Variants in SORBS3 observed in about 807,000 individuals in gnomAD.
SORBS3 encodes vinexin.
In SORBS3, 69 loss-of-function variants were observed where a neutral mutation model predicts 98.0. The observed-to-expected ratio is 0.70, with a 90% CI of 0.58 to 0.86. The LOEUF is 0.86. Among genes scored for constraint, SORBS3 ranks in the 40% least tolerant of loss-of-function variants. The pLI, the probability that SORBS3 is intolerant of heterozygous loss-of-function variation, is 0.00. For synonymous variants in SORBS3, 394 were observed against 355.4 expected, an observed-to-expected ratio of 1.11 and a Z score of -1.22; for missense variants, 954 against 908.5, an observed-to-expected ratio of 1.05 and a Z score of -0.64.
chr8:22,553,202 T>C (rs577456123), intron 1 of SORBS3, among the ~76,000 whole-genome samples: 1 of 152,088 alleles, frequency 6.6e-6, no homozygotes, highest in Non-Finnish European at 1.5e-5. Flanking sequence ...ACAACCCCCA[T>C]GCAGCTCATG....
At chr8:22,552,571 G>GTTA (rs1840102926) in intron 1 of SORBS3, among the ~76,000 whole-genome samples, 1 of 152,146 alleles carries the variant, frequency 6.6e-6, no homozygotes, top group Non-Finnish European at 1.5e-5. Context: ...GGGGCACCAA[G>GTTA]GGTAAGCAAC....
intron 17 of SORBS3, among the ~76,000 whole-genome samples, chr8:22,570,190 A>C (rs1316360289): frequency 1.3e-5 from 2 of 152,222 alleles, no homozygotes; most frequent in Admixed American, 1.3e-4. Context: ...AATGCCTCCC[A>C]GAAGAGCTGG....
Position 22,554,291 on chromosome 8 carries a change from G to T in SORBS3, c.-55-161G>T. 1.6e-6 allele frequency: 1 copy of T among 636,674 alleles called. No individual in the cohort carries two copies. Among genetic ancestry groups the T allele is most frequent in the Non-Finnish European group, 2.5e-6 (1 of 405,222 alleles). The allele number at this position is 636,674 out of a possible 1,614,324, so 39.4% of individuals were successfully genotyped here. A position where few individuals can be genotyped will look rare whatever the true frequency, so the allele number is the denominator to read the frequency against. The stretch of plus-strand genomic sequence containing the variant: ...GGCAGGCACGGGCAGCCTGCAGGCG[G>T]GTGCCTGGCGTGGCCTGTTTCCTGG... On this transcript the variant is annotated intron_variant, in intron 1 of 20. Coordinates refer to ENST00000240123, the MANE Select transcript of SORBS3 (RefSeq NM_005775.5). The surrounding 1 kb of genome is among the most constrained non-coding windows in gnomAD (Gnocchi z 6.5).
intron 18 of SORBS3, 55 bp downstream of exon 18, chr8:22,571,276 C>T (rs537970888): frequency 4.8e-6 from 5 of 1,046,060 alleles, no homozygotes; most frequent in Middle Eastern, 2.2e-4. Context: ...CCTCATCCCC[C>T]ACCCCCGTGA....
intron 20 of SORBS3, 128 bp downstream of exon 20, chr8:22,572,574 C>A: frequency 2.7e-6 from 2 of 751,984 alleles, no homozygotes; most frequent in Non-Finnish European, 4.5e-6. Flanking sequence ...TCCGGCCGGG[C>A]TACTGGGGGG....
intron 10 of SORBS3, chr8:22,565,051 C>T: frequency 7.1e-7 from 1 of 1,410,784 alleles, no homozygotes; most frequent in South Asian, 1.5e-5. Flanking sequence ...AGCGCGTAGG[C>T]ACTCCCGGGG....
Position 22,558,156 on chromosome 8 carries a change from C to A in SORBS3, c.442C>A (p.Arg148=). The A allele has an allele frequency of 6.2e-7, 1 of 1,614,110 alleles. No homozygotes were observed. ...CGTTGACAGACCCAGAGACTGGTAC[C>A]GGAGAATGTTCCAGCAGATTCACCG... ...SSVDRPRDWY[R]RMFQQIHRKM... is the part of the protein sequence containing the mutation. The change falls in exon 5 of 21, where the codon CGG becomes AGG. Residue 148 remains arginine, a synonymous_variant. Coordinates refer to ENST00000240123, the MANE Select transcript of SORBS3 (RefSeq NM_005775.5).
At chr8:22,568,483 G>C (rs559932691) in intron 16 of SORBS3, among the ~76,000 whole-genome samples, 1 of 152,104 alleles carries the variant, frequency 6.6e-6, no homozygotes, top group Non-Finnish European at 1.5e-5. Context: ...TTGACCCATG[G>C]GTTGGGTTGT....
chr8:22,553,659 G>A (rs986637618), intron 1 of SORBS3, among the ~76,000 whole-genome samples: 9 of 152,196 alleles, frequency 5.9e-5, no homozygotes, highest in Non-Finnish European at 7.3e-5. Flanking sequence ...ACAGCCTGGA[G>A]GGGCGGGAGA....
rs369806526 is a variant in SORBS3, at chr8:22,564,073, A to G, written c.671A>G (p.Asn224Ser). ...GAFSTVLQPS[N>S]QVLRRREKVD... ...TTCTCCACTGTGCTGCAGCCCTCAAATCAGGTAGCCCACCCAGCATAGTCC... is the reference window on the plus strand; with the variant it reads ...TTCTCCACTGTGCTGCAGCCCTCAAGTCAGGTAGCCCACCCAGCATAGTCC... Residue 224 changes from asparagine to serine, a missense_variant, in exon 8 of 21, where the codon AAT (asparagine) becomes AGT (serine). Transcript: ENST00000240123. The G allele has an allele frequency of 6.8e-6, 11 of 1,613,316 alleles. No homozygotes were observed. The African/African-American group carries it at 9.3e-5, about 14-fold the overall frequency.
Position 22,571,385 on chromosome 8 carries a change from A to G in SORBS3, c.1743+164A>G, listed in dbSNP as rs2294046. On this transcript the variant is annotated intron_variant, in intron 18 of 20. Coordinates refer to ENST00000240123, the MANE Select transcript of SORBS3 (RefSeq NM_005775.5). The stretch of plus-strand genomic sequence containing the variant: ...TGGCAGCCCCACCCTGGCCTGGGGG[A>G]CCTCAACCTACCGAGCTCTAGCCGA... Among the ~76,000 whole-genome samples, 70 of 151,956 alleles carry G rather than the reference A, an allele frequency of 4.6e-4. No individual in the cohort carries two copies. The East Asian group carries it at 5.8e-3, about 13-fold the overall frequency.
At position 22,567,091 on chromosome 8, in the gene SORBS3, C is replaced by G. The variant is rs541054976; in HGVS notation, c.1221C>G (p.Val407=). The G allele has an allele frequency of 6.2e-7, 1 of 1,613,724 alleles. No individual in the cohort carries two copies. Among genetic ancestry groups the G allele is most frequent in the East Asian group, 2.2e-5 (1 of 44,882 alleles). The change falls in exon 16 of 21, where the codon GTC becomes GTG. Residue 407 remains valine, a synonymous_variant. Coordinates refer to ENST00000240123, the MANE Select transcript of SORBS3 (RefSeq NM_005775.5). ...KELTLQKGDI[V]YIHKEVDKNW... is the part of the protein sequence containing the mutation. ...TGACTCTGCAGAAGGGTGACATTGT[C>G]TACATCCACAAGGAGGTGGACAAGA...
chr8:22,570,993 C>G lies in SORBS3; in HGVS notation c.1515C>G (p.Phe505Leu). Reference protein sequence around the residue: ...RITGTGRQGIFPASYVQVSRE... With the variant: ...RITGTGRQGILPASYVQVSRE... ...CGGGCACGGGGCGCCAAGGCATATTCCCTGCCAGCTACGTGCAGGTGTCTC... is the reference window on the plus strand; with the variant it reads ...CGGGCACGGGGCGCCAAGGCATATTGCCTGCCAGCTACGTGCAGGTGTCTC... Residue 505 changes from phenylalanine (F) to leucine (L), a missense_variant, in exon 18 of 21, where the codon TTC (phenylalanine) becomes TTG (leucine). By Grantham distance (22) the Phe-to-Leu change is conservative (BLOSUM62 0). Transcript: ENST00000240123. The G allele has an allele frequency of 6.2e-7, 1 of 1,613,772 alleles. No homozygotes were observed. The highest frequency in any genetic ancestry group is 1.1e-5 in the South Asian group (1 of 91,074).
intron 20 of SORBS3, chr8:22,573,230 T>C (rs1840636156): frequency 4.6e-6 from 2 of 432,760 alleles, no homozygotes; most frequent in Non-Finnish European, 9.3e-6. Context: ...GGCCCCTACC[T>C]TCTAGTGGGG....
chr8:22,569,119 A>T (rs757101772), intron 16 of SORBS3, 29 bp from the exon 17 acceptor site: 1 of 1,591,870 alleles, frequency 6.3e-7, no homozygotes, highest in Admixed American at 1.7e-5. Flanking sequence ...GCCCAGGCCA[A>T]ATCTTTCTCA....
chr8:22,554,962 G>C lies in SORBS3; in HGVS notation c.202G>C (p.Asp68His), dbSNP rs1309846994. 1 of 1,613,586 alleles carries C rather than the reference G, an allele frequency of 6.2e-7. No homozygotes were observed. Among genetic ancestry groups the C allele is most frequent in the Admixed American group, 1.7e-5 (1 of 60,014 alleles). ...CAATGGGGGCTACACACCAAGACGAGATGCTTCCCAGCACCCGGGTAGGTC... is the reference window on the plus strand; with the variant it reads ...CAATGGGGGCTACACACCAAGACGACATGCTTCCCAGCACCCGGGTAGGTC... ...VCNGGYTPRRDASQHPDPAWY... is the reference protein window; with the variant it reads ...VCNGGYTPRRHASQHPDPAWY... Residue 68 changes from aspartate to histidine, a missense_variant, in exon 3 of 21, where the codon GAT becomes CAT. Asp to His is a moderately conservative substitution (Grantham distance 81). Transcript: ENST00000240123. The surrounding 1 kb of genome is among the most constrained non-coding windows in gnomAD (Gnocchi z 6.5).
chr8:22,567,264 G>A (rs1586902648), intron 16 of SORBS3, 89 bp downstream of exon 16: 21 of 919,982 alleles, frequency 2.3e-5, no homozygotes, highest in South Asian at 4.5e-5. Flanking sequence ...GTTTCCTAAA[G>A]CAAAAAACTG....
Position 22,556,882 on chromosome 8 carries a change from A to C in SORBS3, c.388A>C (p.Ser130Arg). The C allele has an allele frequency of 6.2e-7, 1 of 1,613,136 alleles. No individual in the cohort carries two copies. Among genetic ancestry groups the C allele is most frequent in the South Asian group, 1.1e-5 (1 of 91,088 alleles). ...CGAGGGAATCGGGCCCGTGGACGAG[A>C]GCGGCATGCCCATTGCCCCCCGATC... is the stretch of plus-strand genomic sequence containing the variant. The part of the protein sequence containing the change: ...KYEGIGPVDE[S>R]GMPIAPRSSV... The change falls in exon 4 of 21, where the codon AGC becomes CGC. Residue 130 changes from serine (S) to arginine (R), a missense_variant. Ser to Arg is a moderately radical substitution (Grantham distance 110, BLOSUM62 -1). Transcript: ENST00000240123.
intron 16 of SORBS3, among the ~76,000 whole-genome samples, chr8:22,568,601 G>A (rs181474194): frequency 4.0e-4 from 61 of 152,226 alleles, no homozygotes; most frequent in African/African-American, 1.3e-3. Context: ...ATTTCACTCC[G>A]CCAGTCGTTT....
Sources: gnomAD v4.1 joint callset for allele counts (sites outside exome capture counted in the v4.1 genomes callset) on GRCh38, gnomAD v4.1.1 for gene constraint, Gnocchi (gnomAD v3.1) non-coding constraint, MANE v1.5 for transcripts, NCBI Gene and HGNC (gene_info 2026-07-23, HGNC 2026-07-21) for gene names.